IMMP1L: variants seen among roughly 807,000 people sequenced by gnomAD.
IMMP1L encodes inner mitochondrial membrane peptidase subunit 1.
IMMP1L carries 24 observed loss-of-function variants against 21.8 expected under a neutral mutation model. The ratio of observed to expected loss-of-function variants is 1.10; its 90% CI spans 0.80 to 1.55. IMMP1L has a LOEUF of 1.55. Among genes scored for constraint, IMMP1L ranks in the 40% most tolerant of loss-of-function variants. The probability of loss-of-function intolerance (pLI) is 0.00; values close to 1 mark genes in which losing one functional copy is unlikely to be tolerated. For synonymous variants in IMMP1L, 46 were observed against 62.8 expected, an observed-to-expected ratio of 0.73 and a Z score of 1.26; for missense variants, 195 against 200.7, an observed-to-expected ratio of 0.97 and a Z score of 0.17.
At chr11:31,468,505 CTA>C (rs1954437375) in intron 1 of IMMP1L, among the ~76,000 whole-genome samples, 2 of 152,060 alleles carry the variant, frequency 1.3e-5, no homozygotes, top group East Asian at 3.8e-4. Context: ...GTGCATTGCA[CTA>C]TTTTTTTCAG....
chr11:31,456,787 C>T (rs575058056), intron 3 of IMMP1L, among the ~76,000 whole-genome samples: 26 of 139,532 alleles, frequency 1.9e-4, no homozygotes, highest in South Asian at 9.4e-4. Context: ...TGGGAGGCTA[C>T]GGCAAGAGGA....
At chr11:31,434,524 T>C (rs1223078) in intron 4 of IMMP1L, among the ~76,000 whole-genome samples, 54,995 of 152,028 alleles carry the variant, frequency 0.36, 12,199 homozygotes, top group African/African-American at 0.63. Flanking sequence ...ATTTTCACTA[T>C]TCTTTTGACT....
chr11:31,501,773 G>T (rs1247201373), intron 1 of IMMP1L, among the ~76,000 whole-genome samples: 1 of 150,594 alleles, frequency 6.6e-6, no homozygotes, highest in Non-Finnish European at 1.5e-5. Flanking sequence ...GGCCAAAACA[G>T]TGAAACCCCA....
At chr11:31,507,178 C>G (rs1193672586) in intron 1 of IMMP1L, among the ~76,000 whole-genome samples, 3 of 151,308 alleles carry the variant, frequency 2.0e-5, no homozygotes, top group Admixed American at 1.3e-4. Context: ...ACTCGGGAGG[C>G]TGAGGCAGGA....
At chr11:31,499,412 G>A (rs1012558690) in intron 1 of IMMP1L, among the ~76,000 whole-genome samples, 2 of 145,658 alleles carry the variant, frequency 1.4e-5, no homozygotes, top group East Asian at 2.0e-4. Flanking sequence ...ACACTGAAAC[G>A]ACAGTACGTT....
At chr11:31,479,523 A>C in intron 1 of IMMP1L, among the ~76,000 whole-genome samples, 1 of 152,162 alleles carries the variant, frequency 6.6e-6, no homozygotes, top group Middle Eastern at 3.4e-3. Flanking sequence ...TATTTTGTTA[A>C]AACTGTGTAA....
chr11:31,496,448 TATA>T (rs1396728256), intron 1 of IMMP1L, among the ~76,000 whole-genome samples: 2 of 152,166 alleles, frequency 1.3e-5, no homozygotes, highest in Non-Finnish European at 2.9e-5. Flanking sequence ...AGAATTTTCA[TATA>T]ATCCAGCAAT....
chr11:31,433,424 GA>G (rs747631328), intron 5 of IMMP1L, 35 bp downstream of exon 5: 2 of 1,251,104 alleles, frequency 1.6e-6, no homozygotes, highest in Admixed American at 4.1e-5. Flanking sequence ...TTCTAGCTCA[GA>G]AAATAAACCT....
chr11:31,504,637 C>T (rs192013191), intron 1 of IMMP1L, among the ~76,000 whole-genome samples: 2 of 152,282 alleles, frequency 1.3e-5, no homozygotes, highest in East Asian at 3.9e-4. Context: ...AAATGGGAAA[C>T]TATCCAAATC....
chr11:31,469,104 T>C (rs947301117), intron 1 of IMMP1L, among the ~76,000 whole-genome samples: 3 of 152,158 alleles, frequency 2.0e-5, no homozygotes, highest in African/African-American at 7.2e-5. Context: ...GTATATCTTC[T>C]TTGAAAAATA....
In IMMP1L at chr11:31,452,337, T is replaced by C. The variant is rs534196566; in HGVS notation, c.321+3923A>G. On this transcript the variant is annotated intron_variant, in intron 4 of 5. Coordinates refer to ENST00000532287, the MANE Select transcript of IMMP1L (RefSeq NM_001304274.2). ...TACTAATAAACATTATGAGTGCTTT[T>C]CTTCTTCTTTTAATTGGCTTTATAA... 3.0e-6 allele frequency: 3 copies of C among 985,178 alleles called. No homozygotes were observed. The East Asian group carries it at 3.4e-4, about 112-fold the overall frequency. The allele number at this position is 985,178 out of a possible 1,614,324, so 61.0% of individuals were successfully genotyped here.
At chr11:31,485,279 A>T (rs1955032793) in intron 1 of IMMP1L, among the ~76,000 whole-genome samples, 1 of 151,838 alleles carries the variant, frequency 6.6e-6, no homozygotes, top group Non-Finnish European at 1.5e-5. Flanking sequence ...ATCCTATCAA[A>T]TATTTAATAA....
chr11:31,487,442 AG>A (rs1347681885), intron 1 of IMMP1L, among the ~76,000 whole-genome samples: 1 of 152,106 alleles, frequency 6.6e-6, no homozygotes, highest in African/African-American at 2.4e-5. Flanking sequence ...CTTAGCCCTA[AG>A]GTAGGAAGAA....
chr11:31,452,371 T>C (rs1237262383), intron 4 of IMMP1L: 1 of 985,376 alleles, frequency 1.0e-6, no homozygotes, highest in African/African-American at 1.7e-5. Context: ...AACAAAATTA[T>C]AGTGTATTTC....
In IMMP1L at chr11:31,495,207, ATTCAACAAGTC is replaced by A. The variant is rs531937982; in HGVS notation, c.-30+14301_-30+14311del. Among the ~76,000 whole-genome samples, 700 of 152,312 alleles carry A rather than the reference ATTCAACAAGTC, an allele frequency of 4.6e-3. 7 individuals carry two copies. Among genetic ancestry groups the A allele is most frequent in the African/African-American group, 0.016 (677 of 41,568 alleles). ...CACTATCAGCATTTTGGTCAAAGCC[ATTCAACAAGTC>A]TCCAAGAAGTTCCAAACTTTCCCAC... On this transcript the variant is annotated intron_variant, in intron 1 of 5. Coordinates refer to ENST00000532287, the MANE Select transcript of IMMP1L (RefSeq NM_001304274.2).
chr11:31,477,425 A>C (rs1335531093), intron 1 of IMMP1L: 1 of 462,944 alleles, frequency 2.2e-6, no homozygotes, highest in Non-Finnish European at 2.8e-6. Context: ...TATGTCTTGC[A>C]TAATTTTAAG....
chr11:31,493,792 T>C (rs1054562479), intron 1 of IMMP1L, among the ~76,000 whole-genome samples: 16 of 152,218 alleles, frequency 1.1e-4, no homozygotes, highest in Non-Finnish European at 1.6e-4. Context: ...ACAAAGGGGC[T>C]GTGGGCCCCA....
chr11:31,435,374 A>G (rs1953084077), intron 4 of IMMP1L, among the ~76,000 whole-genome samples: 1 of 152,140 alleles, frequency 6.6e-6, no homozygotes, highest in South Asian at 2.1e-4. Context: ...AACCTTTAAT[A>G]TTATTTTTAA....
At chr11:31,500,310 G>A (rs1429776762) in intron 1 of IMMP1L, among the ~76,000 whole-genome samples, 11 of 151,674 alleles carry the variant, frequency 7.3e-5, no homozygotes, top group African/African-American at 2.7e-4. Flanking sequence ...TGAGAAAGAA[G>A]GTCCATAATG....
Sources: allele counts gnomAD v4.1 joint callset (sites outside exome capture counted in the v4.1 genomes callset), GRCh38; gene constraint gnomAD v4.1.1; transcripts MANE v1.5; gene names NCBI Gene and HGNC (gene_info 2026-07-23, HGNC 2026-07-21).